PCDH7: variants seen among roughly 807,000 people sequenced by gnomAD.
PCDH7 encodes protocadherin 7.
In PCDH7, 17 loss-of-function variants were observed where a neutral mutation model predicts 58.9. The ratio of observed to expected loss-of-function variants is 0.29; its 90% confidence interval spans 0.20 to 0.43. The LOEUF (loss-of-function observed/expected upper bound fraction) is 0.43. Among genes scored for constraint, PCDH7 ranks in the 20% least tolerant of loss-of-function variants. PCDH7 has a pLI of 1.00. For synonymous variants in PCDH7, 664 were observed against 616.4 expected, an observed-to-expected ratio of 1.08 and a Z score of -1.14; for missense variants, 1,274 against 1,441.0, an observed-to-expected ratio of 0.88 and a Z score of 1.88.
chr4:30,970,919 A>T (rs1303146588), intron 3 of PCDH7, among the ~76,000 whole-genome samples: 1 of 152,244 alleles, frequency 6.6e-6, no homozygotes, highest in Admixed American at 6.5e-5. Context: ...GTGTACAGTG[A>T]GTTCATACAC....
At position 31,074,784 on chromosome 4, in the gene PCDH7, C is replaced by CAAAAAAAAAAAAAAAAAA. The variant is rs1157267696; in HGVS notation, c.*8-67683_*8-67666dup. Among the ~76,000 whole-genome samples, 54 of 52,470 alleles carry CAAAAAAAAAAAAAAAAAA rather than the reference C, an allele frequency of 1.0e-3. 4 individuals are homozygous for CAAAAAAAAAAAAAAAAAA. The highest frequency in any genetic ancestry group is 5.1e-3 in the East Asian group (5 of 978). 34.4% of individuals were successfully genotyped at this position (52,470 alleles called of 152,430 possible). On this transcript the variant is annotated intron_variant, in intron 3 of 3. Transcript: ENST00000509759. ...TGGGCTACAGAGGGAGATTCCGTCT[C>CAAAAAAAAAAAAAAAAAA]AAAAAAAAAAAAAAAAAAAAAAAGC...
intron 3 of PCDH7, among the ~76,000 whole-genome samples, chr4:31,009,052 T>C (rs776437388): frequency 1.3e-5 from 2 of 152,108 alleles, no homozygotes; most frequent in African/African-American, 4.8e-5. Context: ...AAAGAGAAAT[T>C]TGGAAAATTA....
intron 3 of PCDH7, among the ~76,000 whole-genome samples, chr4:31,111,037 T>C (rs965091569): frequency 1.4e-4 from 21 of 152,134 alleles, no homozygotes; most frequent in Admixed American, 1.2e-3. Flanking sequence ...GAATTCCATA[T>C]TGACTGACAG....
intron 3 of PCDH7, among the ~76,000 whole-genome samples, chr4:31,059,939 C>A (rs66982156): frequency 3.3e-5 from 5 of 151,400 alleles, no homozygotes; most frequent in Admixed American, 2.0e-4. Flanking sequence ...TGAGCAACAT[C>A]AAGGCAAAAT....
Position 31,096,636 on chromosome 4 carries a change from G to A in PCDH7, c.*8-45837G>A, listed in dbSNP as rs1714024866. Among the ~76,000 whole-genome samples, 2 of 152,116 alleles carry A rather than the reference G, an allele frequency of 1.3e-5. 1 individual carries two copies. Among genetic ancestry groups the A allele is most frequent in the South Asian group, 4.1e-4 (2 of 4,830 alleles). ...CTATAAGAGTTTTGATGATGTTATA[G>A]AAATAATCACATCTCATGCTTTCAA... On this transcript the variant is annotated intron_variant, in intron 3 of 3. Transcript: ENST00000509759.
intron 1 of PCDH7, among the ~76,000 whole-genome samples, chr4:30,769,815 A>T (rs776436326): frequency 1.3e-5 from 2 of 152,210 alleles, no homozygotes; most frequent in African/African-American, 4.8e-5. Context: ...GAAGGAACTT[A>T]TTCAGATAGC....
Position 30,830,198 on chromosome 4 carries a change from TATATC to T in PCDH7, c.71-89951_71-89947del, listed in dbSNP as rs567460639. On this transcript the variant is annotated intron_variant, in intron 1 of 3. Transcript: ENST00000509759. ...ATGAATGCTTTGAAAAGTGTATACT[TATATC>T]ATAATTGCTTAAAACTGCATTTTCA... 3.1e-3 allele frequency among the ~76,000 whole-genome samples: 469 copies of T among 152,214 alleles called. 3 individuals carry two copies. The highest frequency in any genetic ancestry group is 8.8e-3 in the African/African-American group (366 of 41,566).
intron 3 of PCDH7, among the ~76,000 whole-genome samples, chr4:31,058,861 A>C (rs962057287): frequency 2.0e-5 from 3 of 152,018 alleles, no homozygotes; most frequent in Admixed American, 6.6e-5. Flanking sequence ...GCCAAATAGA[A>C]GAATTAACAA....
At chr4:30,933,942 C>T (rs530302889) in intron 2 of PCDH7, among the ~76,000 whole-genome samples, 6 of 152,322 alleles carry the variant, frequency 3.9e-5, no homozygotes, top group African/African-American at 1.4e-4. Context: ...TCTAACCATA[C>T]ATAATCTTTC....
chr4:31,091,844 G>A (rs2109285686), intron 3 of PCDH7, among the ~76,000 whole-genome samples: 1 of 151,994 alleles, frequency 6.6e-6, no homozygotes, highest in East Asian at 1.9e-4. Context: ...TGAGATTGTG[G>A]ATTTATATAA....
In PCDH7 at chr4:30,947,929, G is replaced by A. The variant is rs182354990; in HGVS notation, c.288-2191G>A. ...ACTTCCATGATTTCAACTTTTTTTAGCTTCTACATGTGAGTGAGAACATGC... is the reference window on the plus strand; with the variant it reads ...ACTTCCATGATTTCAACTTTTTTTAACTTCTACATGTGAGTGAGAACATGC... On this transcript the variant is annotated intron_variant, in intron 2 of 3. Transcript: ENST00000509759. Among the ~76,000 whole-genome samples the A allele has an allele frequency of 2.6e-5, 4 of 151,780 alleles. No homozygotes were observed. In the East Asian group the frequency reaches 7.7e-4, roughly 29 times the overall value.
chr4:30,912,771 T>A (rs550664672), intron 1 of PCDH7, among the ~76,000 whole-genome samples: 5 of 152,276 alleles, frequency 3.3e-5, no homozygotes, highest in South Asian at 2.1e-4. Context: ...ATAAAGGTAG[T>A]GTCACTAGGT....
intron 3 of PCDH7, among the ~76,000 whole-genome samples, chr4:31,030,548 G>A (rs1754817089): frequency 6.6e-6 from 1 of 151,964 alleles, no homozygotes; most frequent in South Asian, 2.1e-4. Context: ...ATCATGAACA[G>A]CATAATTTCA....
chr4:30,793,172 A>G (rs961026178), intron 1 of PCDH7, among the ~76,000 whole-genome samples: 1 of 152,154 alleles, frequency 6.6e-6, no homozygotes. Context: ...GCTTACTTCC[A>G]ATTAGTCCTA....
chr4:31,004,453 T>A (rs1752605342), intron 3 of PCDH7, among the ~76,000 whole-genome samples: 1 of 152,140 alleles, frequency 6.6e-6, no homozygotes, highest in African/African-American at 2.4e-5. Context: ...CTTACACCTG[T>A]AATCCCAGCA....
chr4:30,848,870 C>T (rs549570344), intron 1 of PCDH7, among the ~76,000 whole-genome samples: 9 of 152,102 alleles, frequency 5.9e-5, no homozygotes, highest in Admixed American at 1.3e-4. Flanking sequence ...CTGGCCCTGA[C>T]GGTGGGGCTT....
At chr4:30,962,235 A>C (rs1748500100) in intron 3 of PCDH7, among the ~76,000 whole-genome samples, 2 of 152,206 alleles carry the variant, frequency 1.3e-5, no homozygotes, top group Admixed American at 1.3e-4. Context: ...TTTAATAAGC[A>C]AATGACTCTC....
intron 1 of PCDH7, chr4:30,884,447 G>T (rs1737416022): frequency 1.3e-5 from 2 of 152,104 alleles, no homozygotes; most frequent in African/African-American, 4.8e-5. Flanking sequence ...TTTTCATTTA[G>T]GTAGTTTATT....
chr4:30,844,436 C>G (rs1731648750), intron 1 of PCDH7, among the ~76,000 whole-genome samples: 1 of 152,056 alleles, frequency 6.6e-6, no homozygotes, highest in African/African-American at 2.4e-5. Flanking sequence ...TAAGTCAATC[C>G]TCTGTGAACT....
Sources: gnomAD v4.1 joint callset for allele counts (sites outside exome capture counted in the v4.1 genomes callset) on GRCh38, gnomAD v4.1.1 for gene constraint, MANE v1.5 for transcripts, NCBI Gene and HGNC (gene_info 2026-07-23, HGNC 2026-07-21) for gene names.